The following KAZN variants were observed in gnomAD, a reference collection of about 807,000 sequenced individuals.
KAZN encodes kazrin.
KAZN carries 40 observed loss-of-function variants against 87.4 expected under a neutral mutation model. The ratio of observed to expected loss-of-function variants is 0.46; its 90% CI spans 0.36 to 0.60. The LOEUF (loss-of-function observed/expected upper bound fraction) is 0.60, where lower values mean the gene tolerates loss of function less well. Ranked by LOEUF, KAZN falls within the 20% of genes least tolerant of loss-of-function variation. The pLI is 0.00. For synonymous variants in KAZN, 466 were observed against 458.3 expected (o/e 1.02, Z -0.22); for missense variants, 898 against 1,073.9 (o/e 0.84, Z 2.29).
chr1:14,092,668 A>C (rs1644032250), intron 1 of KAZN, among the ~76,000 whole-genome samples: 1 of 150,984 alleles, frequency 6.6e-6, no homozygotes, highest in Non-Finnish European at 1.5e-5. Context: ...CATGTGGCTT[A>C]TATTTGAAAA....
rs188431521 is a variant in KAZN, at chr1:14,409,805, C to T, written c.250-189178C>T. Among the ~76,000 whole-genome samples, 3 of 152,260 alleles carry T rather than the reference C, an allele frequency of 2.0e-5. No individual in the cohort carries two copies. The East Asian group carries it at 5.8e-4, about 29-fold the overall frequency. Reference sequence around the variant, plus strand: ...CCTTCAAAAACTCCCAATAAAAGAACTATCTGAAAGATAGTATTTTCAGAA... The same window carrying T: ...CCTTCAAAAACTCCCAATAAAAGAATTATCTGAAAGATAGTATTTTCAGAA... On this transcript the variant is annotated intron_variant, in intron 2 of 16. Coordinates refer to the KAZN transcript ENST00000636203.
In KAZN at chr1:14,769,283, C is replaced by T. The variant is rs914357463; in HGVS notation, c.226+170060C>T. On this transcript the variant is annotated intron_variant, in intron 1 of 14. Transcript: ENST00000376030. This position sits in a 1 kb window ranked among gnomAD's most constrained non-coding sequence, Gnocchi z 4.1. The stretch of plus-strand genomic sequence containing the variant: ...GTCACCCCCATCTGAATTGCAGAAC[C>T]ACGTTATTGGCTTTTGGAAAGTCCC... 3.3e-5 allele frequency among the ~76,000 whole-genome samples: 5 copies of T among 152,136 alleles called. No individual in the cohort carries two copies. The highest frequency in any genetic ancestry group is 1.2e-4 in the African/African-American group (5 of 41,442).
At chr1:14,264,958 C>A (rs1651358607) in intron 2 of KAZN, among the ~76,000 whole-genome samples, 1 of 152,168 alleles carries the variant, frequency 6.6e-6, no homozygotes, top group Admixed American at 6.5e-5. Flanking sequence ...GCATGGACAT[C>A]TCTGGGGAAG....
intron 5 of KAZN, among the ~76,000 whole-genome samples, chr1:15,057,995 T>C (rs1191201075): frequency 6.6e-6 from 1 of 152,212 alleles, no homozygotes; most frequent in African/African-American, 2.4e-5. Flanking sequence ...CTGCCTCACA[T>C]ACAACCATCT....
intron 8 of KAZN, among the ~76,000 whole-genome samples, chr1:15,082,681 C>A (rs1640063699): frequency 6.6e-6 from 1 of 152,088 alleles, no homozygotes; most frequent in Non-Finnish European, 1.5e-5. Context: ...TAAGCCTCTG[C>A]AGTTTGTTTT....
Position 14,471,459 on chromosome 1 carries a change from T to C in KAZN, c.250-127524T>C, listed in dbSNP as rs924361304. Among the ~76,000 whole-genome samples, 3 of 152,188 alleles carry C rather than the reference T, an allele frequency of 2.0e-5. No homozygotes were observed. In the East Asian group the frequency reaches 5.8e-4, roughly 29 times the overall value. On this transcript the variant is annotated intron_variant, in intron 2 of 16. Coordinates refer to the KAZN transcript ENST00000636203. ...AAGCTACAGCGCACACACAGGGACA[T>C]TGCATCGACTTTGGCTTTTGCTCTG...
At chr1:14,858,358 G>A (rs890023584) in intron 1 of KAZN, among the ~76,000 whole-genome samples, 3 of 151,714 alleles carry the variant, frequency 2.0e-5, no homozygotes, top group African/African-American at 4.8e-5. Context: ...AATTACAGGC[G>A]CCTGCCACCA....
intron 1 of KAZN, among the ~76,000 whole-genome samples, chr1:14,918,277 G>A (rs1258924160): frequency 6.6e-6 from 1 of 152,136 alleles, no homozygotes; most frequent in East Asian, 1.9e-4. Flanking sequence ...ATCTCTTCTT[G>A]CACACCTTCT....
intron 1 of KAZN, among the ~76,000 whole-genome samples, chr1:13,986,156 A>G (rs1005298603): frequency 6.6e-6 from 1 of 152,234 alleles, no homozygotes; most frequent in Non-Finnish European, 1.5e-5. Context: ...CAATTTTTCC[A>G]TATCCTTGCC....
chr1:14,207,453 T>A (rs550020894), intron 2 of KAZN, among the ~76,000 whole-genome samples: 1 of 152,180 alleles, frequency 6.6e-6, no homozygotes, highest in Admixed American at 6.5e-5. Flanking sequence ...TTTGCTGTGA[T>A]GATCAAAATA....
intron 2 of KAZN, among the ~76,000 whole-genome samples, chr1:14,405,606 ATGTG>A (rs111850452): frequency 0.011 from 1,509 of 136,286 alleles, 20 homozygotes; most frequent in African/African-American, 0.024. Context: ...ACCCAATAAA[ATGTG>A]TGTGTGTGTG....
intron 1 of KAZN, among the ~76,000 whole-genome samples, chr1:14,842,997 T>C (rs1648202240): frequency 6.6e-6 from 1 of 152,174 alleles, no homozygotes; most frequent in South Asian, 2.1e-4. Context: ...ATAGACATTA[T>C]CTCTTGATGT....
intron 2 of KAZN, among the ~76,000 whole-genome samples, chr1:14,590,258 A>T (rs139983700): frequency 6.6e-6 from 1 of 152,278 alleles, no homozygotes; most frequent in African/African-American, 2.4e-5. Context: ...AAAAGAACTC[A>T]TTTACCAAAT....
intron 2 of KAZN, among the ~76,000 whole-genome samples, chr1:14,310,172 G>A (rs1343489179): frequency 1.3e-5 from 2 of 152,144 alleles, no homozygotes; most frequent in Non-Finnish European, 2.9e-5. Flanking sequence ...CAGGCAATGT[G>A]TGAGCAGAAA....
At chr1:14,938,542 CAAAAA>C (rs35014105) in intron 1 of KAZN, among the ~76,000 whole-genome samples, 4 of 107,890 alleles carry the variant, frequency 3.7e-5, no homozygotes, top group Non-Finnish European at 4.0e-5. Flanking sequence ...AACTCCATCT[CAAAAA>C]AAAAAAAAAA....
At chr1:15,010,236 C>G (rs1035722295) in intron 2 of KAZN, among the ~76,000 whole-genome samples, 3 of 152,098 alleles carry the variant, frequency 2.0e-5, no homozygotes, top group Admixed American at 2.0e-4. Flanking sequence ...TTAACATGTT[C>G]CTCTGTCCTT....
At chr1:14,657,856 T>G (rs1255014687) in intron 1 of KAZN, among the ~76,000 whole-genome samples, 1 of 152,160 alleles carries the variant, frequency 6.6e-6, no homozygotes, top group Non-Finnish European at 1.5e-5. Flanking sequence ...TTGTTTGTTT[T>G]TTGTTAGTCT....
chr1:14,373,388 T>C (rs1660660927), intron 2 of KAZN, among the ~76,000 whole-genome samples: 1 of 152,074 alleles, frequency 6.6e-6, no homozygotes, highest in East Asian at 1.9e-4. Context: ...TAAGTCCCGG[T>C]CCAAGAGCAA....
chr1:14,828,043 C>G (rs2100861092), intron 1 of KAZN, among the ~76,000 whole-genome samples: 3 of 152,344 alleles, frequency 2.0e-5, no homozygotes, highest in Middle Eastern at 6.8e-3. Flanking sequence ...TACTAGCACA[C>G]AGGGCATAAC....
Sources: gnomAD v4.1 joint callset for allele counts (sites outside exome capture counted in the v4.1 genomes callset) on GRCh38, gnomAD v4.1.1 for gene constraint, Gnocchi (gnomAD v3.1) non-coding constraint, MANE v1.5 for transcripts, NCBI Gene and HGNC (gene_info 2026-07-23, HGNC 2026-07-21) for gene names.